The following PVALEF variants were observed in gnomAD, a reference collection of about 807,000 sequenced individuals.
The protein encoded by PVALEF is parvalbumin-like EF-hand-containing protein.
PVALEF carries 2 observed loss-of-function variants against 1.2 expected under a neutral mutation model. The observed-to-expected ratio is 1.68, with a 90% CI of 0.69 to 5.28. PVALEF has a LOEUF of 5.28. PVALEF is among the 30% of genes most tolerant of loss of function. The pLI is 0.06. For missense variants in PVALEF, 35 were observed against 17.7 expected (o/e 1.97, Z -1.75); for synonymous variants, 16 against 6.5 (o/e 2.47, Z -2.24).
intron 2 of PVALEF, among the ~76,000 whole-genome samples, chr17:81,175,845 G>A (rs2061534441): frequency 6.6e-6 from 1 of 152,136 alleles, no homozygotes; most frequent in African/African-American, 2.4e-5. Context: ...CAGAGCAAAA[G>A]CTTCATGGCA....
At position 81,179,033 on chromosome 17, in the gene PVALEF, G is replaced by A. The variant is rs1194266621; in HGVS notation, c.-224G>A. On this transcript the variant is annotated 5_prime_UTR_variant, in exon 3 of 7. Transcript: ENST00000637878. The stretch of plus-strand genomic sequence containing the variant: ...CCAGGCTGGAGTGCCGGGGAGGGGC[G>A]AGGACAGCTGCAGCCCCGAGATGTA... The A allele has an allele frequency of 1.3e-5, 6 of 453,826 alleles. No individual in the cohort carries two copies. Among genetic ancestry groups the A allele is most frequent in the Admixed American group, 2.4e-5 (1 of 42,232 alleles). 28.1% of individuals were successfully genotyped at this position (453,826 alleles called of 1,614,324 possible). A position where few individuals can be genotyped will look rare whatever the true frequency, so the allele number is the denominator to read the frequency against.
At chr17:81,167,437 G>A (rs1035822947) in intron 2 of PVALEF, among the ~76,000 whole-genome samples, 3 of 152,268 alleles carry the variant, frequency 2.0e-5, no homozygotes, top group Admixed American at 2.0e-4. Context: ...CCCAGTTGGG[G>A]TTGGGGGCTG....
chr17:81,180,911 AGCCCCAGAACCCAACCCCCCCTGG>A (rs1197150421), intron 3 of PVALEF, among the ~76,000 whole-genome samples, 188 bp from the exon 4 acceptor site: 2 of 152,136 alleles, frequency 1.3e-5, no homozygotes, highest in Non-Finnish European at 2.9e-5. Flanking sequence ...TGCTGTGCTG[AGCCCCAGAACCCAACCCCCCCTGG>A]GGACGGCAAC....
chr17:81,166,090 G>T, intron 1 of PVALEF: 1 of 777,064 alleles, frequency 1.3e-6, no homozygotes. Flanking sequence ...GGCCGCCGCA[G>T]GTGCGGAGCG....
At chr17:81,166,049 G>A in intron 1 of PVALEF, 1 of 1,249,810 alleles carries the variant, frequency 8.0e-7, no homozygotes, top group Non-Finnish European at 1.0e-6. Flanking sequence ...GGACGCCCGC[G>A]GCCCCGGCCC....
At chr17:81,172,765 A>G (rs1466160005) in intron 2 of PVALEF, among the ~76,000 whole-genome samples, 1 of 152,050 alleles carries the variant, frequency 6.6e-6, no homozygotes, top group Non-Finnish European at 1.5e-5. Flanking sequence ...CTCTGTCTCA[A>G]AACAAAACAA....
At position 81,166,584 on chromosome 17, in the gene PVALEF, C is replaced by T. The variant is rs144965512; in HGVS notation, c.-507-93C>T. The T allele has an allele frequency of 3.4e-3, 1,397 of 409,418 alleles. 23 individuals are homozygous for T. The highest frequency in any genetic ancestry group is 0.027 in the African/African-American group (1,282 of 47,586). The allele number at this position is 409,418 out of a possible 1,614,324, so 25.4% of individuals were successfully genotyped here. The stretch of plus-strand genomic sequence containing the variant: ...ACGCCGGGGTGGGGGAGGGGGTACT[C>T]CTAGGTGGAAAGGTTCAGGGAGACA... On this transcript the variant is annotated intron_variant, in intron 1 of 6. Transcript: ENST00000637878.
intron 2 of PVALEF, among the ~76,000 whole-genome samples, chr17:81,170,348 G>T (rs946608147): frequency 6.6e-6 from 1 of 151,634 alleles, no homozygotes; most frequent in Admixed American, 6.6e-5. Flanking sequence ...CATATGTGTA[G>T]GTGCGTGTGT....
At chr17:81,173,842 T>C (rs2061528211) in intron 2 of PVALEF, among the ~76,000 whole-genome samples, 1 of 152,114 alleles carries the variant, frequency 6.6e-6, no homozygotes, top group Admixed American at 6.5e-5. Flanking sequence ...CCAAAGAGAC[T>C]ACAAGGAAAG....
At chr17:81,169,403 G>C (rs143867118) in intron 2 of PVALEF, among the ~76,000 whole-genome samples, 1 of 151,934 alleles carries the variant, frequency 6.6e-6, no homozygotes, top group South Asian at 2.1e-4. Context: ...TTCGAGACCA[G>C]CCTGGCCAAC....
At chr17:81,167,099 C>A (rs546992651) in intron 2 of PVALEF, among the ~76,000 whole-genome samples, 1 of 152,330 alleles carries the variant, frequency 6.6e-6, no homozygotes, top group South Asian at 2.1e-4. Flanking sequence ...TCCAGACCAG[C>A]CTGGGCAACA....
At chr17:81,171,054 G>A (rs766424148) in intron 2 of PVALEF, among the ~76,000 whole-genome samples, 7 of 152,206 alleles carry the variant, frequency 4.6e-5, no homozygotes, top group East Asian at 1.9e-4. Context: ...CCAACCCTGC[G>A]GGGGTCAGTG....
chr17:81,177,145 T>C (rs901804888), intron 2 of PVALEF, among the ~76,000 whole-genome samples: 4 of 144,624 alleles, frequency 2.8e-5, no homozygotes, highest in Admixed American at 2.2e-4. Flanking sequence ...CAGGCTGGTC[T>C]GAAACTCCTG....
chr17:81,167,700 C>A (rs74002081), intron 2 of PVALEF, among the ~76,000 whole-genome samples: 14,169 of 152,314 alleles, frequency 0.093, 865 homozygotes, highest in East Asian at 0.18. Context: ...GGAGACAAGA[C>A]ACCAACTGCA....
intron 1 of PVALEF, chr17:81,166,047 G>T: frequency 7.4e-7 from 1 of 1,359,084 alleles, no homozygotes; most frequent in Non-Finnish European, 9.6e-7. Context: ...CAGGACGCCC[G>T]CGGCCCCGGC....
At chr17:81,181,048 C>T (rs1192203142) in intron 3 of PVALEF, 75 bp from the exon 4 acceptor site, 2 of 538,928 alleles carry the variant, frequency 3.7e-6, no homozygotes, top group African/African-American at 1.9e-5. Flanking sequence ...ACCTGCCTGG[C>T]TGGGATCCCA....
intron 2 of PVALEF, among the ~76,000 whole-genome samples, chr17:81,167,992 G>A (rs2061505139): frequency 6.6e-6 from 1 of 152,204 alleles, no homozygotes; most frequent in South Asian, 2.1e-4. Flanking sequence ...GAGTGCTCCA[G>A]TGTGAGGGAC....
intron 2 of PVALEF, among the ~76,000 whole-genome samples, chr17:81,174,290 G>A (rs1467450638): frequency 6.6e-6 from 1 of 152,128 alleles, no homozygotes; most frequent in Non-Finnish European, 1.5e-5. Context: ...GTTTCCAGTG[G>A]ACCAATTAAG....
intron 2 of PVALEF, among the ~76,000 whole-genome samples, chr17:81,170,483 G>C (rs553295936): frequency 1.3e-5 from 2 of 152,042 alleles, no homozygotes; most frequent in Non-Finnish European, 2.9e-5. Flanking sequence ...TTCCAACTGA[G>C]GTCCCAATTC....
Sources: gnomAD v4.1 joint callset for allele counts (sites outside exome capture counted in the v4.1 genomes callset) on GRCh38, gnomAD v4.1.1 for gene constraint, MANE v1.5 for transcripts, NCBI Gene and HGNC (gene_info 2026-07-23, HGNC 2026-07-21) for gene names.